SLC35F5: variants seen among roughly 807,000 people sequenced by gnomAD.
SLC35F5 encodes the protein HCV NS5A-transactivated protein 3.
A neutral mutation model predicts 68.6 loss-of-function variants in SLC35F5; 54 were observed. The ratio of observed to expected loss-of-function variants is 0.79; its 90% confidence interval spans 0.63 to 0.99. The LOEUF (loss-of-function observed/expected upper bound fraction) is 0.99, where lower values mean the gene tolerates loss of function less well. SLC35F5 is among the 50% of genes least tolerant of loss of function. The pLI is 0.00. For synonymous variants in SLC35F5, 211 were observed against 205.2 expected (o/e 1.03, Z -0.24); for missense variants, 567 against 626.9 (o/e 0.90, Z 1.02).
rs763809287 is a variant in SLC35F5, at chr2:113,742,685, G to T, written c.750+7C>A. 4.3e-6 allele frequency: 7 copies of T among 1,612,552 alleles called. No individual in the cohort carries two copies. The African/African-American group carries it at 8.0e-5, about 18-fold the overall frequency. On this transcript the variant is annotated splice_region_variant and intron_variant, in intron 7 of 15. Coordinates refer to ENST00000245680, the MANE Select transcript of SLC35F5 (RefSeq NM_025181.5). ...CATCATATGCAAACATATCATAAAA[G>T]ACCTACCACAAAGCAAAAAAAAAAG...
chr2:113,741,699 T>TAAA (rs11448220), intron 7 of SLC35F5, among the ~76,000 whole-genome samples: 37 of 142,106 alleles, frequency 2.6e-4, no homozygotes, highest in African/African-American at 3.4e-4. Context: ...GAAACTCCAT[T>TAAA]AAAAAAAAAA....
chr2:113,727,396 G>A (rs143914192), intron 11 of SLC35F5, among the ~76,000 whole-genome samples: 7 of 152,076 alleles, frequency 4.6e-5, no homozygotes, highest in South Asian at 2.1e-4. Flanking sequence ...GCAAGGACAC[G>A]ACCTAAAATG....
intron 4 of SLC35F5, among the ~76,000 whole-genome samples, chr2:113,749,730 G>A (rs1445859416): frequency 6.6e-6 from 1 of 152,070 alleles, no homozygotes; most frequent in Non-Finnish European, 1.5e-5. Flanking sequence ...TGGTTATAGA[G>A]CAAAGTCAAT....
Position 113,742,895 on chromosome 2 carries a change from A to AT in SLC35F5, c.563-17dup, listed in dbSNP as rs778115167. On this transcript the variant is annotated splice_polypyrimidine_tract_variant and intron_variant, in intron 6 of 15. Coordinates refer to ENST00000245680, the MANE Select transcript of SLC35F5 (RefSeq NM_025181.5). ...TTTTTGGGGGCTTAAAAGGAAGAGCATAATATGAAATAATTAAATAATTCC... is the reference window on the plus strand; with the variant it reads ...TTTTTGGGGGCTTAAAAGGAAGAGCATTAATATGAAATAATTAAATAATTCC... 3.8e-6 allele frequency: 6 copies of AT among 1,590,192 alleles called. No homozygotes were observed. The highest frequency in any genetic ancestry group is 4.3e-6 in the Non-Finnish European group (5 of 1,165,608).
chr2:113,753,528 A>G (rs1676842264), intron 3 of SLC35F5, among the ~76,000 whole-genome samples: 1 of 152,168 alleles, frequency 6.6e-6, no homozygotes, highest in African/African-American at 2.4e-5. Context: ...GAGACATTAC[A>G]TACATTCTTG....
downstream of SLC35F5, among the ~76,000 whole-genome samples, chr2:113,703,333 A>T (rs1189998785): frequency 2.6e-5 from 4 of 152,202 alleles, no homozygotes; most frequent in South Asian, 8.3e-4. Flanking sequence ...AAAAGCAAGG[A>T]TTTTTCTAAT....
chr2:113,742,433 C>T, intron 7 of SLC35F5: 1 of 497,950 alleles, frequency 2.0e-6, no homozygotes, highest in Non-Finnish European at 3.5e-6. Flanking sequence ...AACTTCCCAA[C>T]CTGTGTGTGT....
intron 3 of SLC35F5, 44 bp downstream of exon 3, chr2:113,755,121 T>C (rs781021479): frequency 1.8e-5 from 28 of 1,595,796 alleles, no homozygotes; most frequent in Non-Finnish European, 2.2e-5. Flanking sequence ...AGAGTTAACA[T>C]TGTGGCTGTA....
intron 5 of SLC35F5, among the ~76,000 whole-genome samples, chr2:113,744,532 A>T (rs1159854510): frequency 3.9e-5 from 6 of 152,134 alleles, no homozygotes; most frequent in African/African-American, 1.4e-4. Flanking sequence ...CGGGCAGATC[A>T]CTTGAGGTCG....
chr2:113,743,853 A>C (rs1676380911), intron 5 of SLC35F5, 59 bp from the exon 6 acceptor site: 1 of 1,377,088 alleles, frequency 7.3e-7, no homozygotes, highest in African/African-American at 1.4e-5. Context: ...TAGTGGTTAA[A>C]ATTTAAATGG....
intron 7 of SLC35F5, among the ~76,000 whole-genome samples, chr2:113,741,353 G>C (rs1389924930): frequency 6.6e-6 from 1 of 152,146 alleles, no homozygotes; most frequent in African/African-American, 2.4e-5. Flanking sequence ...TGGATGGATG[G>C]GGTGATGGTT....
At position 113,743,736 on chromosome 2, in the gene SLC35F5, C is replaced by A. The variant is rs1197229396; in HGVS notation, c.539G>T (p.Ser180Ile). Residue 180 changes from serine (S) to isoleucine (I), a missense_variant, in exon 6 of 16, where the codon AGC becomes ATC. Coordinates refer to ENST00000245680, the MANE Select transcript of SLC35F5 (RefSeq NM_025181.5). ...ACTTTTTTCAGTATCAATGTTTGTGCTCTCAGGTTTTTCACTTGGAAGATC... is the reference window on the plus strand; with the variant it reads ...ACTTTTTTCAGTATCAATGTTTGTGATCTCAGGTTTTTCACTTGGAAGATC... ...FHDLPSEKPE[S>I]TNIDTEKTPK... is the part of the protein sequence containing the mutation. 5 of 1,612,178 alleles carry A rather than the reference C, an allele frequency of 3.1e-6. No homozygotes were observed. Among genetic ancestry groups the A allele is most frequent in the Non-Finnish European group, 4.2e-6 (5 of 1,179,046 alleles).
intron 1 of SLC35F5, chr2:113,755,899 C>T: frequency 6.4e-7 from 1 of 1,550,606 alleles, no homozygotes; most frequent in Non-Finnish European, 8.7e-7. Flanking sequence ...CGTCTAGACA[C>T]TGTTTCTAAA....
intron 8 of SLC35F5, 57 bp downstream of exon 8, chr2:113,735,720 A>G (rs571822178): frequency 1.7e-6 from 2 of 1,152,354 alleles, no homozygotes; most frequent in South Asian, 2.7e-5. Flanking sequence ...ACACACATAT[A>G]TACCAGAAAT....
Position 113,740,617 on chromosome 2 carries a change from C to A in SLC35F5, c.750+2075G>T, listed in dbSNP as rs993489418. Among the ~76,000 whole-genome samples, 5 of 152,064 alleles carry A rather than the reference C, an allele frequency of 3.3e-5. 1 individual carries two copies. The highest frequency in any genetic ancestry group is 1.2e-4 in the African/African-American group (5 of 41,414). ...ATGCAACCATCACCCCATCCATCCACAGGATTTTTTTCTTTTTCTTTTTTT... is the reference window on the plus strand; with the variant it reads ...ATGCAACCATCACCCCATCCATCCAAAGGATTTTTTTCTTTTTCTTTTTTT... On this transcript the variant is annotated intron_variant, in intron 7 of 15. Transcript: ENST00000245680.
intron 11 of SLC35F5, 107 bp from the exon 12 acceptor site, chr2:113,725,644 G>T: frequency 9.7e-7 from 1 of 1,032,038 alleles, no homozygotes; most frequent in South Asian, 1.8e-5. Context: ...ACTCTGGGAG[G>T]TTTCCTTAGC....
At chr2:113,736,541 T>C (rs1688103585) in intron 7 of SLC35F5, among the ~76,000 whole-genome samples, 1 of 152,190 alleles carries the variant, frequency 6.6e-6, no homozygotes, top group Non-Finnish European at 1.5e-5. Flanking sequence ...CATTAGAATA[T>C]ATACAGATGA....
chr2:113,703,754 C>T (rs1308887816), downstream of SLC35F5: 1 of 152,128 alleles, frequency 6.6e-6, no homozygotes, highest in Non-Finnish European at 1.5e-5. Context: ...AAACTGGGGC[C>T]AATAAAACAA....
Position 113,718,770 on chromosome 2 carries a change from G to A in SLC35F5, c.1496+384C>T, listed in dbSNP as rs139265604. Among the ~76,000 whole-genome samples, 1,414 of 151,570 alleles carry A rather than the reference G, an allele frequency of 9.3e-3. 28 individuals carry two copies. The highest frequency in any genetic ancestry group is 0.031 in the African/African-American group (1,298 of 41,248). On this transcript the variant is annotated intron_variant, in intron 14 of 15. Coordinates refer to ENST00000245680, the MANE Select transcript of SLC35F5 (RefSeq NM_025181.5). ...AGATCGTGCCATTGCACTCCAGGCT[G>A]GGCTACAGAGCAAGACTCTGTCAAG...
Sources: gnomAD v4.1 joint callset for allele counts (sites outside exome capture counted in the v4.1 genomes callset) on GRCh38, gnomAD v4.1.1 for gene constraint, MANE v1.5 for transcripts, NCBI Gene and HGNC (gene_info 2026-07-23, HGNC 2026-07-21) for gene names.